The following MCHR2 variants were observed in gnomAD, a reference collection of about 807,000 sequenced individuals.
MCHR2 encodes the protein melanin concentrating hormone receptor 2.
A neutral mutation model predicts 24.8 loss-of-function variants in MCHR2; 15 were observed. The observed-to-expected ratio is 0.60, with a 90% CI of 0.40 to 0.93. MCHR2 has a LOEUF of 0.93. Ranked by LOEUF, MCHR2 falls within the 40% of genes least tolerant of loss-of-function variation. MCHR2 has a pLI of 0.00. For missense variants in MCHR2, 386 were observed against 408.7 expected (o/e 0.94, Z 0.48); for synonymous variants, 151 against 147.6 (o/e 1.02, Z -0.17).
chr6:99,952,921 T>C (rs1222383893), intron 2 of MCHR2, among the ~76,000 whole-genome samples: 1 of 152,192 alleles, frequency 6.6e-6, no homozygotes, highest in Non-Finnish European at 1.5e-5. Context: ...TCACATTATG[T>C]ATAAAATGAT....
intron 5 of MCHR2, 129 bp from the exon 6 acceptor site, chr6:99,921,384 C>T (rs1207450273): frequency 1.3e-6 from 1 of 784,248 alleles, no homozygotes; most frequent in African/African-American, 1.7e-5. Context: ...TATTATATTC[C>T]TACTTACTTG....
rs190786446 is a variant in MCHR2 at position 99,961,753 on chromosome 6, G to A, written c.-27-5579C>T. Among the ~76,000 whole-genome samples, 940 of 152,106 alleles carry A rather than the reference G, an allele frequency of 6.2e-3. 12 individuals are homozygous for A. Among genetic ancestry groups the A allele is most frequent in the African/African-American group, 0.022 (904 of 41,518 alleles). On this transcript the variant is annotated intron_variant, in intron 1 of 5. Transcript: ENST00000281806. The stretch of plus-strand genomic sequence containing the variant: ...GATAGCATTAGGATAAATACCTAAT[G>A]TAAATGTCAAGTTGATGGGTGCAGC...
intron 1 of MCHR2, among the ~76,000 whole-genome samples, chr6:99,982,947 T>A (rs1388980631): frequency 6.6e-6 from 1 of 152,004 alleles, no homozygotes; most frequent in Non-Finnish European, 1.5e-5. Context: ...TTTTTGTTTT[T>A]TTGTTTTGTT....
At chr6:99,978,409 A>C (rs1222914037) in intron 1 of MCHR2, among the ~76,000 whole-genome samples, 1 of 140,266 alleles carries the variant, frequency 7.1e-6, no homozygotes, top group Non-Finnish European at 1.5e-5. Context: ...AGGCTATGGG[A>C]GGTCAAGACA....
chr6:99,942,868 A>G, intron 4 of MCHR2, 81 bp downstream of exon 4: 1 of 1,196,984 alleles, frequency 8.4e-7, no homozygotes, highest in Non-Finnish European at 1.2e-6. Context: ...ATACTCTTTG[A>G]GGCTGCTCAC....
intron 4 of MCHR2, among the ~76,000 whole-genome samples, chr6:99,941,117 G>T (rs184710081): frequency 6.6e-6 from 1 of 151,548 alleles, no homozygotes; most frequent in Non-Finnish European, 1.5e-5. Context: ...CCTTGATCTC[G>T]TTTTTTTCAG....
In MCHR2 at chr6:99,965,442, T is replaced by C. The variant is rs117669056; in HGVS notation, c.-27-9268A>G. Among the ~76,000 whole-genome samples the C allele has an allele frequency of 6.4e-4, 97 of 152,298 alleles. 1 individual carries two copies. The highest frequency in any genetic ancestry group is 6.0e-3 in the East Asian group (31 of 5,182). ...AAATATGACTGACTGGCTGAACCCA[T>C]TGAGGAAATTCGTATAGAGAAACAT... On this transcript the variant is annotated intron_variant, in intron 1 of 5. Transcript: ENST00000281806.
chr6:99,983,445 C>A (rs9389934), intron 1 of MCHR2, among the ~76,000 whole-genome samples: 87,622 of 151,970 alleles, frequency 0.58, 25,560 homozygotes, highest in Middle Eastern at 0.63. Flanking sequence ...CCTATACATA[C>A]TATTTTTTAA....
At chr6:99,946,588 G>A (rs1198819014) in intron 3 of MCHR2, among the ~76,000 whole-genome samples, 1 of 152,072 alleles carries the variant, frequency 6.6e-6, no homozygotes, top group Non-Finnish European at 1.5e-5. Context: ...GAGCACCTGA[G>A]TGCCAGGCAC....
At chr6:99,972,867 T>G (rs947879771) in intron 1 of MCHR2, among the ~76,000 whole-genome samples, 1 of 152,038 alleles carries the variant, frequency 6.6e-6, no homozygotes, top group Non-Finnish European at 1.5e-5. Flanking sequence ...TGTAGTTGAG[T>G]GGTTTTGAGT....
chr6:99,943,439 CTCG>C (rs1774816220), intron 3 of MCHR2, among the ~76,000 whole-genome samples: 1 of 151,266 alleles, frequency 6.6e-6, no homozygotes, highest in Non-Finnish European at 1.5e-5. Context: ...CACCCATTAA[CTCG>C]TCATTTAGCA....
intron 1 of MCHR2, among the ~76,000 whole-genome samples, chr6:99,976,017 G>T (rs943762626): frequency 8.5e-5 from 13 of 152,164 alleles, no homozygotes; most frequent in African/African-American, 3.1e-4. Context: ...CAGGTGCAGG[G>T]TTTGTGGATC....
chr6:99,974,769 C>A (rs1219028162), intron 1 of MCHR2, among the ~76,000 whole-genome samples: 2 of 152,198 alleles, frequency 1.3e-5, no homozygotes, highest in East Asian at 3.9e-4. Context: ...AGTTTTCCTT[C>A]TAACAGACAG....
chr6:99,965,341 G>A (rs1385011523), intron 1 of MCHR2, among the ~76,000 whole-genome samples: 1 of 151,924 alleles, frequency 6.6e-6, no homozygotes, highest in Non-Finnish European at 1.5e-5. Flanking sequence ...TTTGATTGTG[G>A]TTCTGTTATA....
chr6:99,938,558 C>T (rs1178261663), intron 4 of MCHR2, among the ~76,000 whole-genome samples: 3 of 151,974 alleles, frequency 2.0e-5, no homozygotes, highest in Admixed American at 6.6e-5. Context: ...GTCAAAGATA[C>T]TTGCTATAAC....
At chr6:99,932,422 C>T (rs1337410849) in intron 5 of MCHR2, among the ~76,000 whole-genome samples, 1 of 152,182 alleles carries the variant, frequency 6.6e-6, no homozygotes, top group Non-Finnish European at 1.5e-5. Flanking sequence ...TTCCCATCTT[C>T]CTGCTTCCCC....
chr6:99,930,640 A>T (rs1774499469), intron 5 of MCHR2, among the ~76,000 whole-genome samples: 1 of 152,132 alleles, frequency 6.6e-6, no homozygotes, highest in Non-Finnish European at 1.5e-5. Flanking sequence ...TCAGCTCCTG[A>T]GGCTTCTGCA....
intron 1 of MCHR2, among the ~76,000 whole-genome samples, chr6:99,974,987 G>T (rs981188935): frequency 4.6e-5 from 7 of 152,188 alleles, no homozygotes; most frequent in Non-Finnish European, 1.0e-4. Context: ...GCCCCTACTG[G>T]GGGGTGCCTC....
Position 99,947,894 on chromosome 6 carries a change from G to T in MCHR2, c.260C>A (p.Pro87His). ...VADLVHIVGM[P>H]FLIHQWARGG... is the part of the protein sequence containing the mutation. ...TCGGGCCCATTGGTGAATAAGAAAA[G>T]GCATTCCAACTATGTGGACCAAATC... is the stretch of plus-strand genomic sequence containing the variant. Residue 87 changes from proline (P) to histidine (H), a missense_variant, in exon 3 of 6, where the codon CCT (proline) becomes CAT (histidine). Physicochemically the swap from Pro to His is moderately conservative, Grantham distance 77 (BLOSUM62 -2). Transcript: ENST00000281806. 2 of 1,613,722 alleles carry T rather than the reference G, an allele frequency of 1.2e-6. No homozygotes were observed. The highest frequency in any genetic ancestry group is 1.7e-6 in the Non-Finnish European group (2 of 1,179,792).
Sources: gnomAD v4.1 joint callset for allele counts (sites outside exome capture counted in the v4.1 genomes callset) on GRCh38, gnomAD v4.1.1 for gene constraint, MANE v1.5 for transcripts, NCBI Gene and HGNC (gene_info 2026-07-23, HGNC 2026-07-21) for gene names.